Variants in KCNK10 observed in about 807,000 individuals in gnomAD.
KCNK10 encodes the protein potassium channel subfamily K member 10.
A neutral mutation model predicts 47.7 loss-of-function variants in KCNK10; 25 were observed. The ratio of observed to expected loss-of-function variants is 0.52; its 90% CI spans 0.38 to 0.73. KCNK10 has a LOEUF of 0.73. KCNK10 is among the 30% of genes least tolerant of loss of function. KCNK10 has a pLI of 0.00. For synonymous variants in KCNK10, 303 were observed against 285.6 expected (o/e 1.06, Z -0.61); for missense variants, 563 against 714.5 (o/e 0.79, Z 2.42).
In KCNK10 at chr14:88,183,862, T is replaced by C. The variant is rs1021236791; in HGVS notation, c.*1673A>G. The C allele has an allele frequency of 2.6e-5, 4 of 152,334 alleles. No individual in the cohort carries two copies. Among genetic ancestry groups the C allele is most frequent in the Non-Finnish European group, 5.9e-5 (4 of 68,038 alleles). The allele number at this position is 152,334 out of a possible 1,614,324, so 9.4% of individuals were successfully genotyped here. A position where few individuals can be genotyped will look rare whatever the true frequency, so the allele number is the denominator to read the frequency against. On this transcript the variant is annotated 3_prime_UTR_variant, in exon 7 of 7. Coordinates refer to ENST00000319231, the MANE Select transcript of KCNK10 (RefSeq NM_138317.3). ...TGGAGGTCAGAAAGCATGAGACAGT[T>C]TCTGGAAGTCTCCGCTAGTGCTGTG... is the stretch of plus-strand genomic sequence containing the variant.
At chr14:88,301,200 G>A (rs1021826230) in intron 1 of KCNK10, among the ~76,000 whole-genome samples, 1 of 152,150 alleles carries the variant, frequency 6.6e-6, no homozygotes, top group African/African-American at 2.4e-5. Context: ...ATATGATAAT[G>A]TACGCAAAAT....
intron 1 of KCNK10, among the ~76,000 whole-genome samples, chr14:88,308,968 T>C (rs10148955): frequency 0.73 from 111,604 of 152,114 alleles, 42,521 homozygotes; most frequent in Non-Finnish European, 0.83. Context: ...TTGTCAAATG[T>C]GTGCCTGAAA....
intron 1 of KCNK10, among the ~76,000 whole-genome samples, chr14:88,303,943 T>C (rs1354904307): frequency 6.6e-6 from 1 of 152,202 alleles, no homozygotes; most frequent in African/African-American, 2.4e-5. Context: ...GTATTCTGTC[T>C]TGTGTCATAA....
intron 4 of KCNK10, among the ~76,000 whole-genome samples, chr14:88,206,503 A>G (rs1204377283): frequency 6.6e-6 from 1 of 152,220 alleles, no homozygotes; most frequent in Non-Finnish European, 1.5e-5. Context: ...AAGTTGACCA[A>G]ATTTTTTAAG....
At chr14:88,255,308 C>A (rs1339161161) in intron 2 of KCNK10, among the ~76,000 whole-genome samples, 1 of 152,068 alleles carries the variant, frequency 6.6e-6, no homozygotes, top group Non-Finnish European at 1.5e-5. Context: ...GGGCTCAAAT[C>A]CAAGTTTAAT....
In KCNK10 at chr14:88,185,606, T is replaced by C; in HGVS notation, c.1561A>G (p.Asn521Asp). ...DCIQQHAELE[N>D]GMIPTDTKDR... ...TTGGTGTCCGTGGGTATCATTCCGT[T>C]CTCCAACTCAGCGTGCTGCTGGATA... Residue 521 changes from asparagine to aspartate, a missense_variant, in exon 7 of 7, where the codon AAC (asparagine) becomes GAC (aspartate). Physicochemically the swap from Asn to Asp is conservative, Grantham distance 23 (BLOSUM62 1). Transcript: ENST00000319231. The surrounding 1 kb of genome is among the most constrained non-coding windows in gnomAD (Gnocchi z 4.3). 1 of 1,614,154 alleles carries C rather than the reference T, an allele frequency of 6.2e-7. No homozygotes were observed. Among genetic ancestry groups the C allele is most frequent in the Non-Finnish European group, 8.5e-7 (1 of 1,180,020 alleles).
At chr14:88,188,306 G>T (rs1291718611) in intron 5 of KCNK10, among the ~76,000 whole-genome samples, 197 bp from the exon 6 acceptor site, 4 of 151,982 alleles carry the variant, frequency 2.6e-5, no homozygotes. Flanking sequence ...CTAACTTAAG[G>T]CTTTACTTCC....
rs56194944 is a variant in KCNK10 at position 88,191,340 on chromosome 14, AACACAC to A, written c.868+878_868+883del. Among the ~76,000 whole-genome samples the A allele has an allele frequency of 1.7e-4, 26 of 150,066 alleles. No individual in the cohort carries two copies. The South Asian group carries it at 5.3e-3, about 31-fold the overall frequency. On this transcript the variant is annotated intron_variant, in intron 5 of 6. Coordinates refer to ENST00000319231, the MANE Select transcript of KCNK10 (RefSeq NM_138317.3). ...CACTTCACCAGGAACTGGTAAAGGAAACACACACACACACACACACACACTCCATCC... is the reference window on the plus strand; with the variant it reads ...CACTTCACCAGGAACTGGTAAAGGAAACACACACACACACACACTCCATCC...
At chr14:88,219,992 A>G (rs916291405) in intron 4 of KCNK10, among the ~76,000 whole-genome samples, 20 of 152,140 alleles carry the variant, frequency 1.3e-4, no homozygotes, top group Non-Finnish European at 1.8e-4. Flanking sequence ...ATTCTGGTCA[A>G]TGAGACAGAA....
At chr14:88,275,733 G>A (rs1311270805) in intron 1 of KCNK10, among the ~76,000 whole-genome samples, 1 of 151,622 alleles carries the variant, frequency 6.6e-6, no homozygotes, top group Non-Finnish European at 1.5e-5. Flanking sequence ...CAGGCATAGT[G>A]GTGCATGCTT....
intron 4 of KCNK10, among the ~76,000 whole-genome samples, chr14:88,201,019 T>G (rs1030356399): frequency 6.6e-6 from 1 of 152,198 alleles, no homozygotes; most frequent in African/African-American, 2.4e-5. Context: ...AGGGAGTTGT[T>G]GCAAATGATC....
At chr14:88,239,203 GT>G (rs1461489031) in intron 3 of KCNK10, among the ~76,000 whole-genome samples, 1 of 140,988 alleles carries the variant, frequency 7.1e-6, no homozygotes, top group South Asian at 2.3e-4. Flanking sequence ...CCTTAAATTT[GT>G]TTAAAAAAAA....
intron 1 of KCNK10, among the ~76,000 whole-genome samples, chr14:88,289,999 G>A (rs1887842951): frequency 6.6e-6 from 1 of 152,204 alleles, no homozygotes; most frequent in South Asian, 2.1e-4. Flanking sequence ...ATACTTACAG[G>A]ACAACTTTTT....
rs184013237 is a variant in KCNK10, at chr14:88,217,151, C to T, written c.681+10224G>A. On this transcript the variant is annotated intron_variant, in intron 4 of 6. Coordinates refer to ENST00000319231, the MANE Select transcript of KCNK10 (RefSeq NM_138317.3). Reference sequence around the variant, plus strand: ...CAGCCTGGGCAACAGAGTGAGACTCCGTCTCAATAAATAAATAAATAAACT... The same window carrying T: ...CAGCCTGGGCAACAGAGTGAGACTCTGTCTCAATAAATAAATAAATAAACT... 5.9e-5 allele frequency among the ~76,000 whole-genome samples: 9 copies of T among 152,152 alleles called. No homozygotes were observed. The East Asian group carries it at 1.4e-3, about 23-fold the overall frequency.
At chr14:88,281,187 G>T (rs1200352907) in intron 1 of KCNK10, among the ~76,000 whole-genome samples, 5 of 152,152 alleles carry the variant, frequency 3.3e-5, no homozygotes, top group Non-Finnish European at 7.3e-5. Flanking sequence ...TGCCTGGAAG[G>T]CCTGTCCCCC....
At chr14:88,193,506 T>C (rs1884816412) in intron 4 of KCNK10, among the ~76,000 whole-genome samples, 2 of 152,182 alleles carry the variant, frequency 1.3e-5, no homozygotes, top group African/African-American at 4.8e-5. Context: ...TATCATATAC[T>C]AGCATAAATA....
chr14:88,324,211 A>C (rs888037539), upstream of KCNK10, among the ~76,000 whole-genome samples: 6 of 152,220 alleles, frequency 3.9e-5, no homozygotes, highest in African/African-American at 7.2e-5. Flanking sequence ...AAAGGGGCTA[A>C]ACCTGGAGCA....
chr14:88,278,847 TAGC>T (rs1285778721), intron 1 of KCNK10, among the ~76,000 whole-genome samples: 1 of 152,208 alleles, frequency 6.6e-6, no homozygotes, highest in African/African-American at 2.4e-5. Flanking sequence ...CCAATTAAAG[TAGC>T]AGATGATCAG....
rs1566674360 is a variant in KCNK10 at position 88,182,082 on chromosome 14, ACAC to A, written c.*3450_*3452del. On this transcript the variant is annotated 3_prime_UTR_variant, in exon 7 of 7. Coordinates refer to ENST00000319231, the MANE Select transcript of KCNK10 (RefSeq NM_138317.3). Reference sequence around the variant, plus strand: ...CACACACACACACACACACACACACACACTCTATACAGCCCTGCCCCAAAGTGA... The same window carrying A: ...CACACACACACACACACACACACACATCTATACAGCCCTGCCCCAAAGTGA... 3 of 118,970 alleles carry A rather than the reference ACAC, an allele frequency of 2.5e-5. No homozygotes were observed. Among genetic ancestry groups the A allele is most frequent in the Admixed American group, 1.6e-4 (2 of 12,200 alleles). The allele number at this position is 118,970 out of a possible 1,614,324, so 7.4% of individuals were successfully genotyped here.
Sources: allele counts gnomAD v4.1 joint callset (sites outside exome capture counted in the v4.1 genomes callset), GRCh38; gene constraint gnomAD v4.1.1; non-coding constraint Gnocchi (gnomAD v3.1); transcripts MANE v1.5; gene names NCBI Gene and HGNC (gene_info 2026-07-23, HGNC 2026-07-21).